The following DIAPH3 variants were observed in gnomAD, a reference collection of about 807,000 sequenced individuals.
DIAPH3 encodes diaphanous related formin 3.
DIAPH3 carries 117 observed loss-of-function variants against 144.3 expected under a neutral mutation model. That is an observed-to-expected ratio of 0.81 (90% CI 0.70 to 0.95). The LOEUF (loss-of-function observed/expected upper bound fraction) is 0.95. Among genes scored for constraint, DIAPH3 ranks in the 40% least tolerant of loss-of-function variants. The pLI is 0.00. For missense variants in DIAPH3, 1,421 were observed against 1,412.7 expected, an observed-to-expected ratio of 1.01 and a Z score of -0.09; for synonymous variants, 519 against 488.9, an observed-to-expected ratio of 1.06 and a Z score of -0.81.
rs1199400114 is a variant in DIAPH3 at position 60,016,061 on chromosome 13, C to T, written c.701+10G>A. ...ATGCTTACTTGAAAATAATTATTAG[C>T]AATACTTACATTTTTCCACTAATCA... is the stretch of plus-strand genomic sequence containing the variant. On this transcript the variant is annotated intron_variant, in intron 6 of 27. Transcript: ENST00000400324. 2 of 1,611,426 alleles carry T rather than the reference C, an allele frequency of 1.2e-6. No individual in the cohort carries two copies. Among genetic ancestry groups the T allele is most frequent in the Non-Finnish European group, 1.7e-6 (2 of 1,178,078 alleles).
chr13:60,020,036 A>G (rs943083739), intron 5 of DIAPH3, among the ~76,000 whole-genome samples: 2 of 152,228 alleles, frequency 1.3e-5, no homozygotes, highest in East Asian at 3.8e-4. Context: ...TGGAATAAAC[A>G]TACCAGATCA....
At chr13:59,730,912 C>A (rs2035863513) in intron 27 of DIAPH3, among the ~76,000 whole-genome samples, 1 of 152,102 alleles carries the variant, frequency 6.6e-6, no homozygotes, top group Non-Finnish European at 1.5e-5. Context: ...AGCATATAAT[C>A]CCAAATCCTT....
chr13:60,084,396 GAA>G (rs1170943332), intron 4 of DIAPH3, among the ~76,000 whole-genome samples: 1 of 151,730 alleles, frequency 6.6e-6, no homozygotes, highest in Non-Finnish European at 1.5e-5. Context: ...ATTAATGTGG[GAA>G]AGTCACACAT....
At chr13:59,847,813 A>G (rs924563229) in intron 22 of DIAPH3, among the ~76,000 whole-genome samples, 1 of 152,178 alleles carries the variant, frequency 6.6e-6, no homozygotes, top group African/African-American at 2.4e-5. Flanking sequence ...ATTGTGTATT[A>G]GCTGGACTTC....
intron 18 of DIAPH3, among the ~76,000 whole-genome samples, chr13:59,917,475 C>T (rs2047277627): frequency 1.3e-5 from 2 of 152,068 alleles, no homozygotes; most frequent in Non-Finnish European, 2.9e-5. Context: ...ATTCATATCA[C>T]CAACACACAC....
At chr13:60,142,246 G>A (rs2059440233) in intron 1 of DIAPH3, among the ~76,000 whole-genome samples, 1 of 152,148 alleles carries the variant, frequency 6.6e-6, no homozygotes, top group Admixed American at 6.5e-5. Context: ...CTGAAGGTAG[G>A]GAGGAAGGTC....
chr13:60,085,012 A>C (rs958991466), intron 4 of DIAPH3, among the ~76,000 whole-genome samples: 68 of 152,216 alleles, frequency 4.5e-4, no homozygotes, highest in African/African-American at 1.6e-3. Flanking sequence ...AAATCAAAGG[A>C]TATCTCTTAA....
At chr13:59,770,550 T>C (rs1382237269) in intron 27 of DIAPH3, among the ~76,000 whole-genome samples, 7 of 151,974 alleles carry the variant, frequency 4.6e-5, no homozygotes. Context: ...CAGACTGGGG[T>C]TCAGAAAGGA....
intron 7 of DIAPH3, 126 bp from the exon 8 acceptor site, chr13:60,010,795 T>C (rs1003110832): frequency 7.5e-6 from 7 of 932,698 alleles, no homozygotes; most frequent in Non-Finnish European, 1.1e-5. Context: ...CTAAAAAATA[T>C]AGACTGTGTA....
intron 4 of DIAPH3, among the ~76,000 whole-genome samples, chr13:60,081,158 T>A (rs1408469179): frequency 6.6e-6 from 1 of 151,914 alleles, no homozygotes; most frequent in African/African-American, 2.4e-5. Flanking sequence ...GGGTGGGGTA[T>A]AGTACTGAAG....
intron 14 of DIAPH3, among the ~76,000 whole-genome samples, chr13:59,979,041 C>T (rs1431337053): frequency 6.6e-6 from 1 of 151,626 alleles, no homozygotes; most frequent in Non-Finnish European, 1.5e-5. Context: ...ATAAAACTAT[C>T]AGAACAAAGT....
chr13:60,033,523 C>A (rs1008565477), intron 5 of DIAPH3, among the ~76,000 whole-genome samples: 2 of 152,154 alleles, frequency 1.3e-5, no homozygotes, highest in African/African-American at 4.8e-5. Context: ...GAAGGGGGAA[C>A]AGGCACATCA....
chr13:59,859,860 T>A (rs2043478181), intron 22 of DIAPH3, among the ~76,000 whole-genome samples: 1 of 152,190 alleles, frequency 6.6e-6, no homozygotes, highest in African/African-American at 2.4e-5. Flanking sequence ...TTTCAATTAT[T>A]TTCCCTTCTT....
chr13:59,901,201 A>G (rs1255151700), intron 20 of DIAPH3, among the ~76,000 whole-genome samples: 1 of 152,216 alleles, frequency 6.6e-6, no homozygotes, highest in Non-Finnish European at 1.5e-5. Flanking sequence ...CCCTTTGTTA[A>G]TAACTCACTA....
At chr13:60,152,079 A>T (rs1445924585) in intron 1 of DIAPH3, among the ~76,000 whole-genome samples, 3 of 152,230 alleles carry the variant, frequency 2.0e-5, no homozygotes, top group African/African-American at 7.2e-5. Flanking sequence ...CCAAATAAAC[A>T]GCCAACCTCG....
intron 19 of DIAPH3, among the ~76,000 whole-genome samples, chr13:59,914,314 C>T (rs967611812): frequency 6.6e-6 from 1 of 152,044 alleles, no homozygotes; most frequent in Non-Finnish European, 1.5e-5. Flanking sequence ...ATTAAGAGTT[C>T]AAATAGCAAG....
chr13:60,001,327 C>T (rs2052519453), intron 9 of DIAPH3, among the ~76,000 whole-genome samples: 1 of 152,170 alleles, frequency 6.6e-6, no homozygotes, highest in Admixed American at 6.5e-5. Flanking sequence ...CTGCATCTCC[C>T]ATGCAAAACA....
At chr13:59,702,120 T>A (rs2034142696) in intron 27 of DIAPH3, among the ~76,000 whole-genome samples, 1 of 152,222 alleles carries the variant, frequency 6.6e-6, no homozygotes, top group Non-Finnish European at 1.5e-5. Context: ...GATTTGTTAT[T>A]ATTTATTTTA....
In DIAPH3 at chr13:59,961,761, C is replaced by T. The variant is rs189912123; in HGVS notation, c.2074+8183G>A. On this transcript the variant is annotated intron_variant, in intron 17 of 27. Transcript: ENST00000400324. ...GCTGCTTCTTTTAGCTGAAATTCAC[C>T]GAAGAATGTAACTTTCTTATATATA... Among the ~76,000 whole-genome samples the T allele has an allele frequency of 9.2e-5, 14 of 152,208 alleles. No homozygotes were observed. In the East Asian group the frequency reaches 1.4e-3, roughly 15 times the overall value.
Sources: gnomAD v4.1 joint callset for allele counts (sites outside exome capture counted in the v4.1 genomes callset) on GRCh38, gnomAD v4.1.1 for gene constraint, MANE v1.5 for transcripts, NCBI Gene and HGNC (gene_info 2026-07-23, HGNC 2026-07-21) for gene names.